Variants in MYLK3 observed in about 807,000 individuals in gnomAD.
MYLK3 encodes MLC kinase.
MYLK3 carries 55 observed loss-of-function variants against 76.3 expected under a neutral mutation model. The observed-to-expected ratio is 0.72, with a 90% CI of 0.58 to 0.90. MYLK3 has a LOEUF of 0.90. Ranked by LOEUF, MYLK3 falls within the 40% of genes least tolerant of loss-of-function variation. The probability of loss-of-function intolerance (pLI) is 0.00; values close to 1 mark genes in which losing one functional copy is unlikely to be tolerated. For synonymous variants in MYLK3, 416 were observed against 425.4 expected (o/e 0.98, Z 0.27); for missense variants, 973 against 1,053.6 (o/e 0.92, Z 1.06).
rs755564596 is a variant in MYLK3 at position 46,732,588 on chromosome 16, G to A, written c.1082C>T (p.Thr361Ile). 4 of 1,597,404 alleles carry A rather than the reference G, an allele frequency of 2.5e-6. No individual in the cohort carries two copies. The highest frequency in any genetic ancestry group is 3.3e-5 in the Admixed American group (2 of 59,810). ...TGRGSLGPTL[T>I]TEAPAAAQPG... ...CTGGGCAGCTGCTGGAGCCTCTGTG[G>A]TGAGGGTGGGTCCAAGGCTGCCCCT... is the stretch of plus-strand genomic sequence containing the variant. The change falls in exon 4 of 13, where the codon ACC becomes ATC. Residue 361 changes from threonine (T) to isoleucine (I), a missense_variant. Thr to Ile is a moderately conservative substitution (Grantham distance 89). Transcript: ENST00000394809.
chr16:46,710,577 A>T, intron 11 of MYLK3, 60 bp downstream of exon 11: 1 of 1,599,062 alleles, frequency 6.3e-7, no homozygotes, highest in South Asian at 1.1e-5. Flanking sequence ...AGTCCTGCCC[A>T]GCTCCCAGAC....
chr16:46,733,333 C>T (rs924038881), intron 3 of MYLK3, among the ~76,000 whole-genome samples: 9 of 152,202 alleles, frequency 5.9e-5, no homozygotes, highest in East Asian at 1.9e-4. Flanking sequence ...CCAGCCTGGG[C>T]GACAGAGTGA....
chr16:46,724,967 C>A (rs987757511), intron 8 of MYLK3, among the ~76,000 whole-genome samples: 6 of 152,050 alleles, frequency 3.9e-5, no homozygotes, highest in Admixed American at 2.0e-4. Flanking sequence ...ATTATCTTAA[C>A]ATTTTGTTGT....
chr16:46,748,320 A>G lies in MYLK3; in HGVS notation c.-127T>C. ...AGCTGACAGACTCCTGGCAGCACCA[A>G]CCTCCACGATGGCCTGGGCTGTGTG... On this transcript the variant is annotated 5_prime_UTR_variant, in exon 1 of 13. Coordinates refer to ENST00000394809, the MANE Select transcript of MYLK3 (RefSeq NM_182493.3). The surrounding 1 kb of genome is among the most constrained non-coding windows in gnomAD (Gnocchi z 4.3). 7.0e-7 allele frequency: 1 copy of G among 1,436,382 alleles called. No individual in the cohort carries two copies. The highest frequency in any genetic ancestry group is 1.5e-5 in the South Asian group (1 of 67,370). The allele number at this position is 1,436,382 out of a possible 1,614,324, so 89.0% of individuals were successfully genotyped here.
Position 46,707,423 on chromosome 16 carries a change from A to T in MYLK3, c.*281T>A. The T allele has an allele frequency of 3.1e-6, 1 of 321,736 alleles. No individual in the cohort carries two copies. Among genetic ancestry groups the T allele is most frequent in the Non-Finnish European group, 5.6e-6 (1 of 177,464 alleles). The allele number at this position is 321,736 out of a possible 1,614,324, so 19.9% of individuals were successfully genotyped here. A position where few individuals can be genotyped will look rare whatever the true frequency, so the allele number is the denominator to read the frequency against. On this transcript the variant is annotated 3_prime_UTR_variant, in exon 13 of 13. Coordinates refer to ENST00000394809, the MANE Select transcript of MYLK3 (RefSeq NM_182493.3). ...TAAATTCGACAGATGCAAAGTACCT[A>T]CCTAAAGCATCCCTACACTTACCAC...
chr16:46,734,247 C>T (rs957247135), intron 3 of MYLK3, among the ~76,000 whole-genome samples: 8 of 152,166 alleles, frequency 5.3e-5, no homozygotes, highest in Non-Finnish European at 8.8e-5. Flanking sequence ...AGAGGAGGGA[C>T]GTTCTGACAC....
intron 1 of MYLK3, among the ~76,000 whole-genome samples, chr16:46,755,516 A>G (rs1030392291): frequency 2.0e-5 from 3 of 152,126 alleles, no homozygotes; most frequent in African/African-American, 7.2e-5. Flanking sequence ...AAGTTGAAGC[A>G]AGAAAATCAA....
chr16:46,732,435 ACT>A lies in MYLK3; in HGVS notation c.1233_1234del (p.Val412GlufsTer22). 6.8e-6 allele frequency: 11 copies of A among 1,612,014 alleles called. No homozygotes were observed. Among genetic ancestry groups the A allele is most frequent in the Non-Finnish European group, 8.5e-6 (10 of 1,179,846 alleles). On this transcript the variant is annotated frameshift_variant, in exon 4 of 13. Coordinates refer to ENST00000394809, the MANE Select transcript of MYLK3 (RefSeq NM_182493.3). LOFTEE classifies it high-confidence loss of function. ...AGCCCTTTGCTCCTCCTCTGCCTTC[ACT>A]CCCCCGGGGCTGCTGCTCTCCTGCA...
chr16:46,733,018 C>T (rs1457484997), intron 3 of MYLK3, among the ~76,000 whole-genome samples: 1 of 152,178 alleles, frequency 6.6e-6, no homozygotes, highest in African/African-American at 2.4e-5. Context: ...AAGGAGAAAC[C>T]AACTCAAACG....
At chr16:46,759,911 C>A (rs559305798) in intron 1 of MYLK3, among the ~76,000 whole-genome samples, 6 of 152,228 alleles carry the variant, frequency 3.9e-5, no homozygotes, top group African/African-American at 1.2e-4. Context: ...GGATTACAGG[C>A]GTTAGCCACC....
chr16:46,756,333 G>A (rs1436023192), intron 1 of MYLK3, among the ~76,000 whole-genome samples: 1 of 152,234 alleles, frequency 6.6e-6, no homozygotes, highest in East Asian at 1.9e-4. Flanking sequence ...TCTTGTGAGG[G>A]TGAGGGAGGG....
chr16:46,738,225 G>T, intron 2 of MYLK3, 82 bp from the exon 3 acceptor site: 1 of 1,225,604 alleles, frequency 8.2e-7, no homozygotes, highest in Non-Finnish European at 1.1e-6. Flanking sequence ...TCTGCACAAG[G>T]CCATTCAGTG....
chr16:46,753,353 T>TG (rs752358537), intron 1 of MYLK3, among the ~76,000 whole-genome samples: 2 of 152,184 alleles, frequency 1.3e-5, no homozygotes, highest in Non-Finnish European at 2.9e-5. Context: ...AGAAATGTAA[T>TG]GGTCCACACC....
intron 8 of MYLK3, among the ~76,000 whole-genome samples, chr16:46,721,683 T>C (rs1391029466): frequency 6.6e-6 from 1 of 152,194 alleles, no homozygotes; most frequent in African/African-American, 2.4e-5. Flanking sequence ...TTCAGGTTTT[T>C]ATGTGAAAAT....
chr16:46,721,561 T>A (rs1966800091), intron 8 of MYLK3, among the ~76,000 whole-genome samples: 1 of 152,102 alleles, frequency 6.6e-6, no homozygotes, highest in African/African-American at 2.4e-5. Context: ...AGAGATGGGG[T>A]CTCGCCATGT....
intron 7 of MYLK3, among the ~76,000 whole-genome samples, chr16:46,728,207 G>A (rs1279122029): frequency 6.6e-6 from 1 of 152,148 alleles, no homozygotes; most frequent in Non-Finnish European, 1.5e-5. Flanking sequence ...CTGAGCCCTT[G>A]GCCCCAGCAC....
intron 1 of MYLK3, among the ~76,000 whole-genome samples, chr16:46,757,808 C>A (rs1018073011): frequency 6.6e-6 from 1 of 152,154 alleles, no homozygotes; most frequent in Non-Finnish European, 1.5e-5. Flanking sequence ...ACCGTGTGGT[C>A]CAAGGAGGGA....
At chr16:46,722,383 G>GA (rs2143013839) in intron 8 of MYLK3, among the ~76,000 whole-genome samples, 1 of 152,264 alleles carries the variant, frequency 6.6e-6, no homozygotes, top group East Asian at 1.9e-4. Flanking sequence ...AGGATAAAAT[G>GA]ACATAACATG....
intron 1 of MYLK3, among the ~76,000 whole-genome samples, chr16:46,758,436 G>C (rs560812689): frequency 6.6e-6 from 1 of 152,216 alleles, no homozygotes; most frequent in East Asian, 1.9e-4. Context: ...TGCGCTGAGC[G>C]CTTTGGCTGC....
Sources: gnomAD v4.1 joint callset for allele counts (sites outside exome capture counted in the v4.1 genomes callset) on GRCh38, gnomAD v4.1.1 for gene constraint, Gnocchi (gnomAD v3.1) non-coding constraint, MANE v1.5 for transcripts, NCBI Gene and HGNC (gene_info 2026-07-23, HGNC 2026-07-21) for gene names.